Variants in GATB observed in about 807,000 individuals in gnomAD.
GATB encodes the protein glutamyl-tRNA amidotransferase subunit B, also known as glutamyl-tRNA(Gln) amidotransferase subunit B, mitochondrial.
Under a neutral mutation model 62.3 loss-of-function variants are expected in GATB, and 39 were observed. The observed-to-expected ratio is 0.63, with a 90% confidence interval of 0.48 to 0.82. GATB has a LOEUF of 0.82. Among genes scored for constraint, GATB ranks in the 40% least tolerant of loss-of-function variants. The pLI is 0.00. For synonymous variants in GATB, 276 were observed against 258.9 expected (o/e 1.07, Z -0.63); for missense variants, 670 against 684.0 (o/e 0.98, Z 0.23).
At chr4:151,753,321 C>G (rs1322877693) in intron 2 of GATB, among the ~76,000 whole-genome samples, 1 of 152,110 alleles carries the variant, frequency 6.6e-6, no homozygotes, top group Non-Finnish European at 1.5e-5. Flanking sequence ...CCTCAGCCAG[C>G]CTTCCACAAT....
At chr4:151,677,075 TCC>T (rs1738022925) in intron 11 of GATB, among the ~76,000 whole-genome samples, 2 of 152,156 alleles carry the variant, frequency 1.3e-5, no homozygotes, top group Non-Finnish European at 2.9e-5. Context: ...TTCTTCCTTA[TCC>T]CCTGGTCATC....
At chr4:151,728,304 T>C (rs1050601267) in intron 2 of GATB, among the ~76,000 whole-genome samples, 2 of 152,214 alleles carry the variant, frequency 1.3e-5, no homozygotes, top group Admixed American at 6.5e-5. Flanking sequence ...TGTAACTTCC[T>C]GTCTTCTAAG....
At chr4:151,753,070 G>A (rs1311450304) in intron 2 of GATB, among the ~76,000 whole-genome samples, 1 of 152,112 alleles carries the variant, frequency 6.6e-6, no homozygotes, top group Non-Finnish European at 1.5e-5. Context: ...GACATACCAG[G>A]CCACCTAAGT....
chr4:151,742,234 G>A lies in GATB; in HGVS notation c.327+16538C>T, dbSNP rs540718750. ...CTCCTGAGTAGCTGGGACTACAGGC[G>A]CCCGCCATCGCACCCGGCTAATTTC... On this transcript the variant is annotated intron_variant, in intron 2 of 12. Transcript: ENST00000263985. Among the ~76,000 whole-genome samples the A allele has an allele frequency of 2.0e-3, 304 of 152,094 alleles. 1 individual carries two copies. The highest frequency in any genetic ancestry group is 3.5e-3 in the Non-Finnish European group (240 of 67,998).
At chr4:151,686,144 C>T (rs1443713110) in intron 10 of GATB, among the ~76,000 whole-genome samples, 2 of 152,106 alleles carry the variant, frequency 1.3e-5, no homozygotes, top group African/African-American at 4.8e-5. Flanking sequence ...CAGCACACCA[C>T]CCTGGCAAAG....
chr4:151,751,265 A>G (rs970301345), intron 2 of GATB, among the ~76,000 whole-genome samples: 1 of 152,258 alleles, frequency 6.6e-6, no homozygotes, highest in African/African-American at 2.4e-5. Flanking sequence ...AAACCAGTAC[A>G]GGTAATGTTT....
chr4:151,719,712 G>C (rs1738990095), intron 2 of GATB, 174 bp from the exon 3 acceptor site: 2 of 490,808 alleles, frequency 4.1e-6, no homozygotes, highest in African/African-American at 2.0e-5. Flanking sequence ...GGGAATCAGG[G>C]AAGGATATAA....
At chr4:151,673,091 G>T (rs1470406100) in intron 11 of GATB, 195 bp from the exon 12 acceptor site, 3 of 619,276 alleles carry the variant, frequency 4.8e-6, no homozygotes, top group Non-Finnish European at 8.3e-6. Flanking sequence ...AGGCATCCCT[G>T]AGTGCAGGGC....
At chr4:151,695,952 T>TTTTTTTG (rs1738462505) in intron 9 of GATB, among the ~76,000 whole-genome samples, 2 of 144,220 alleles carry the variant, frequency 1.4e-5, no homozygotes, top group Non-Finnish European at 3.0e-5. Flanking sequence ...TTTTTTTTTT[T>TTTTTTTG]GTAGAGATAG....
At chr4:151,673,731 T>C (rs1370242499) in intron 11 of GATB, 1 of 152,222 alleles carries the variant, frequency 6.6e-6, no homozygotes, top group African/African-American at 2.4e-5. Flanking sequence ...GTTTTCCTCA[T>C]TTCTCTTGTC....
chr4:151,693,242 G>C (rs1314224473), intron 9 of GATB, among the ~76,000 whole-genome samples: 1 of 152,180 alleles, frequency 6.6e-6, no homozygotes, highest in Non-Finnish European at 1.5e-5. Context: ...GAAGCAAAGA[G>C]GCCCAGGACA....
chr4:151,743,981 A>C (rs568298540), intron 2 of GATB, among the ~76,000 whole-genome samples: 42 of 152,208 alleles, frequency 2.8e-4, no homozygotes, highest in Non-Finnish European at 4.9e-4. Flanking sequence ...ATAACCATAA[A>C]AGCAGGGAAA....
At chr4:151,760,708 G>A (rs1485025934) in intron 1 of GATB, 99 bp downstream of exon 1, 2 of 1,178,778 alleles carry the variant, frequency 1.7e-6, no homozygotes, top group East Asian at 5.3e-5. Flanking sequence ...CCTCCCGTCA[G>A]CCAAAACGTC....
intron 9 of GATB, among the ~76,000 whole-genome samples, chr4:151,701,107 C>G (rs960250252): frequency 1.3e-5 from 2 of 152,204 alleles, no homozygotes; most frequent in African/African-American, 4.8e-5. Flanking sequence ...ATGACTAACA[C>G]AAGATTGCGT....
chr4:151,748,432 A>C (rs921627295), intron 2 of GATB, among the ~76,000 whole-genome samples: 1 of 152,244 alleles, frequency 6.6e-6, no homozygotes, highest in Non-Finnish European at 1.5e-5. Context: ...TATTTAACAA[A>C]TGGTGCTGGG....
At chr4:151,712,952 G>A (rs1225277960) in intron 5 of GATB, among the ~76,000 whole-genome samples, 1 of 152,170 alleles carries the variant, frequency 6.6e-6, no homozygotes, top group East Asian at 1.9e-4. Flanking sequence ...TGAGTGATGG[G>A]CAAGAGAGAC....
At chr4:151,691,501 C>T (rs1738365575) in intron 9 of GATB, among the ~76,000 whole-genome samples, 1 of 152,152 alleles carries the variant, frequency 6.6e-6, no homozygotes, top group Admixed American at 6.5e-5. Flanking sequence ...TTAACAGGAA[C>T]CCTTGATTAC....
At chr4:151,711,457 G>C (rs144491850) in intron 5 of GATB, among the ~76,000 whole-genome samples, 2 of 152,106 alleles carry the variant, frequency 1.3e-5, no homozygotes, top group Non-Finnish European at 2.9e-5. Context: ...GTGCTACCTC[G>C]CTTACCTCGT....
chr4:151,742,093 T>TC (rs1054443000), intron 2 of GATB, among the ~76,000 whole-genome samples: 2 of 150,354 alleles, frequency 1.3e-5, no homozygotes, highest in Non-Finnish European at 3.0e-5. Context: ...GGATATGGTT[T>TC]TTTTTTTTTT....
Sources: allele counts gnomAD v4.1 joint callset (sites outside exome capture counted in the v4.1 genomes callset), GRCh38; gene constraint gnomAD v4.1.1; transcripts MANE v1.5; gene names NCBI Gene and HGNC (gene_info 2026-07-23, HGNC 2026-07-21).